The following CNTNAP4 variants were observed in gnomAD, a reference collection of about 807,000 sequenced individuals.
CNTNAP4 encodes contactin-associated protein-like 4.
In CNTNAP4, 98 loss-of-function variants were observed where a neutral mutation model predicts 148.4. That is an observed-to-expected ratio of 0.66 (90% CI 0.56 to 0.78). The LOEUF is 0.78. CNTNAP4 is among the 30% of genes least tolerant of loss of function. CNTNAP4 has a pLI of 0.00. For missense variants in CNTNAP4, 1,935 were observed against 1,565.6 expected (o/e 1.24, Z -3.98); for synonymous variants, 730 against 565.1 (o/e 1.29, Z -4.14).
intron 10 of CNTNAP4, among the ~76,000 whole-genome samples, chr16:76,471,304 A>T (rs2081365092): frequency 6.6e-6 from 1 of 152,190 alleles, no homozygotes; most frequent in African/African-American, 2.4e-5. Flanking sequence ...AGTGATGGCT[A>T]CTAAGACAAC....
chr16:76,494,996 A>G lies in CNTNAP4; in HGVS notation c.2167A>G (p.Thr723Ala). 1 of 1,613,616 alleles carries G rather than the reference A, an allele frequency of 6.2e-7. No individual in the cohort carries two copies. Among genetic ancestry groups the G allele is most frequent in the Non-Finnish European group, 8.5e-7 (1 of 1,179,614 alleles). Residue 723 changes from threonine (T) to alanine (A), a missense_variant, in exon 14 of 24, where the codon ACT (threonine) becomes GCT (alanine). Transcript: ENST00000611870. The part of the protein sequence containing the change: ...GGSSPDLQKC[T>A]CGLEGNCIDS... ...TTCTTCGCCTGATCTTCAAAAATGT[A>G]CTTGTGGATTAGAGGGAAACTGCAT...
In CNTNAP4 at chr16:76,553,316, C is replaced by T; in HGVS notation, c.3476C>T (p.Ala1159Val). Reference protein sequence around the residue: ...HSDVDQDTALAGAQGFTGCLS... With the variant: ...HSDVDQDTALVGAQGFTGCLS... ...GATGTGGACCAGGATACTGCACTGG[C>T]AGGTGCGCAGGGCTTCACAGGCTGC... Residue 1159 changes from alanine (A) to valine (V), a missense_variant, in exon 22 of 24, where the codon GCA (alanine) becomes GTA (valine). Transcript: ENST00000611870. 1.2e-6 allele frequency: 2 copies of T among 1,611,996 alleles called. No homozygotes were observed. Among genetic ancestry groups the T allele is most frequent in the Non-Finnish European group, 1.7e-6 (2 of 1,178,554 alleles).
At position 76,355,299 on chromosome 16, in the gene CNTNAP4, T is replaced by C. The variant is rs772806876; in HGVS notation, c.197-19T>C. On this transcript the variant is annotated intron_variant, in intron 2 of 23. Coordinates refer to ENST00000611870, the MANE Select transcript of CNTNAP4 (RefSeq NM_033401.5). The stretch of plus-strand genomic sequence containing the variant: ...ACTTTCCTTTCTCAATTTTCTCCTG[T>C]TTCTATTTTTAATAAAAGGAGCTGG... 6.7e-7 allele frequency: 1 copy of C among 1,492,188 alleles called. No homozygotes were observed. The highest frequency in any genetic ancestry group is 8.9e-7 in the Non-Finnish European group (1 of 1,118,294). 92.4% of individuals were successfully genotyped at this position (1,492,188 alleles called of 1,614,324 possible). A position where few individuals can be genotyped will look rare whatever the true frequency, so the allele number is the denominator to read the frequency against.
Position 76,522,107 on chromosome 16 carries a change from A to G in CNTNAP4, c.2605A>G (p.Thr869Ala). ...GPFEISVQSP[T>A]HFNDNQWHHV... ...TTTTGAAATCTCAGTGCAGTCACCC[A>G]CCCACTTCAACGACAACCAGTGGCA... Residue 869 changes from threonine to alanine, a missense_variant, in exon 17 of 24, where the codon ACC (threonine) becomes GCC (alanine). Coordinates refer to ENST00000611870, the MANE Select transcript of CNTNAP4 (RefSeq NM_033401.5). The G allele has an allele frequency of 6.2e-7, 1 of 1,613,934 alleles. No homozygotes were observed. The highest frequency in any genetic ancestry group is 8.5e-7 in the Non-Finnish European group (1 of 1,179,870).
chr16:76,516,454 G>T (rs538775749), intron 15 of CNTNAP4, among the ~76,000 whole-genome samples: 4 of 152,198 alleles, frequency 2.6e-5, no homozygotes, highest in Admixed American at 6.5e-5. Context: ...TAATGGCATT[G>T]CTGGGTCAAA....
Position 76,439,336 on chromosome 16 carries a change from GTTA to G in CNTNAP4, c.539-8669_539-8667del, listed in dbSNP as rs974924184. Among the ~76,000 whole-genome samples the G allele has an allele frequency of 4.4e-4, 56 of 128,648 alleles. 1 individual carries two copies. The highest frequency in any genetic ancestry group is 1.2e-3 in the African/African-American group (45 of 37,240). 84.4% of individuals were successfully genotyped at this position (128,648 alleles called of 152,430 possible). A position where few individuals can be genotyped will look rare whatever the true frequency, so the allele number is the denominator to read the frequency against. ...TGAGATAAACGTGATTTCAAGTGTT[GTTA>G]TTATTAAAATCATAACAGTATACAA... On this transcript the variant is annotated intron_variant, in intron 4 of 23. Transcript: ENST00000611870.
At chr16:76,411,507 AT>A (rs1157536137) in intron 3 of CNTNAP4, among the ~76,000 whole-genome samples, 2 of 151,356 alleles carry the variant, frequency 1.3e-5, no homozygotes, top group Admixed American at 1.3e-4. Flanking sequence ...ATTCTTAGTA[AT>A]ATTAATGGTA....
At chr16:76,433,068 C>T (rs1000028475) in intron 4 of CNTNAP4, among the ~76,000 whole-genome samples, 2 of 152,096 alleles carry the variant, frequency 1.3e-5, no homozygotes, top group African/African-American at 4.8e-5. Flanking sequence ...GGAATGTTTC[C>T]ACCCACTTGT....
At chr16:76,428,393 C>T (rs994930049) in intron 4 of CNTNAP4, among the ~76,000 whole-genome samples, 7 of 151,262 alleles carry the variant, frequency 4.6e-5, no homozygotes, top group African/African-American at 1.5e-4. Flanking sequence ...TGGAAGAGAA[C>T]CCAGGACTGC....
chr16:76,325,722 A>T (rs1284018283), intron 2 of CNTNAP4, among the ~76,000 whole-genome samples: 1 of 152,144 alleles, frequency 6.6e-6, no homozygotes, highest in Admixed American at 6.5e-5. Context: ...AAAAAACTAC[A>T]AAAAGAACAA....
intron 2 of CNTNAP4, among the ~76,000 whole-genome samples, chr16:76,320,370 G>C (rs1297782479): frequency 6.6e-6 from 1 of 152,124 alleles, no homozygotes; most frequent in Non-Finnish European, 1.5e-5. Flanking sequence ...GAAAGAAACT[G>C]ATAAGCAAAA....
intron 13 of CNTNAP4, among the ~76,000 whole-genome samples, chr16:76,492,833 T>A (rs2082271161): frequency 6.6e-6 from 1 of 152,190 alleles, no homozygotes; most frequent in Non-Finnish European, 1.5e-5. Context: ...CCTCTTTTCT[T>A]TATAAATTAC....
At chr16:76,476,688 A>T (rs973733796) in intron 11 of CNTNAP4, among the ~76,000 whole-genome samples, 1 of 152,092 alleles carries the variant, frequency 6.6e-6, no homozygotes, top group African/African-American at 2.4e-5. Context: ...CACATGGTGA[A>T]AGGGGTGAGG....
intron 14 of CNTNAP4, among the ~76,000 whole-genome samples, chr16:76,496,937 C>T (rs9924204): frequency 0.64 from 97,171 of 151,920 alleles, 31,429 homozygotes; most frequent in Middle Eastern, 0.75. Context: ...AAAATAATCA[C>T]AATGTGTAAA....
chr16:76,369,682 A>C (rs2144615763), intron 3 of CNTNAP4, among the ~76,000 whole-genome samples: 1 of 152,328 alleles, frequency 6.6e-6, no homozygotes, highest in South Asian at 2.1e-4. Flanking sequence ...TCTCTACAGA[A>C]AACACAAAAA....
intron 2 of CNTNAP4, among the ~76,000 whole-genome samples, chr16:76,345,460 G>A (rs944641519): frequency 7.2e-5 from 11 of 152,212 alleles, no homozygotes; most frequent in African/African-American, 2.7e-4. Flanking sequence ...AAAGTATTGT[G>A]ACAGAGGTCA....
intron 4 of CNTNAP4, among the ~76,000 whole-genome samples, chr16:76,434,485 G>C (rs7205737): frequency 6.6e-6 from 1 of 152,088 alleles, no homozygotes; most frequent in East Asian, 1.9e-4. Context: ...AGCTGCAATT[G>C]CAATCACCAC....
chr16:76,368,320 A>C (rs2014397113), intron 3 of CNTNAP4, among the ~76,000 whole-genome samples: 2 of 152,236 alleles, frequency 1.3e-5, no homozygotes, highest in African/African-American at 4.8e-5. Context: ...GCTACTAGCC[A>C]CACAGGGTCA....
Position 76,489,832 on chromosome 16 carries a change from G to C in CNTNAP4, c.2029G>C (p.Glu677Gln), listed in dbSNP as rs757917053. The change falls in exon 13 of 24, where the codon GAA becomes CAA. Residue 677 changes from glutamate (E) to glutamine (Q), a missense_variant. Transcript: ENST00000611870. ...CACTATTAACCGTGCAGAGCACTGT[G>C]AACAGGAGTTTACTTATTACTGCAA... The part of the protein sequence containing the change: ...QATINRAEHC[E>Q]QEFTYYCKKS... 1.3e-6 allele frequency: 2 copies of C among 1,599,392 alleles called. No individual in the cohort carries two copies. Among genetic ancestry groups the C allele is most frequent in the African/African-American group, 1.3e-5 (1 of 74,646 alleles).
Sources: allele counts gnomAD v4.1 joint callset (sites outside exome capture counted in the v4.1 genomes callset), GRCh38; gene constraint gnomAD v4.1.1; transcripts MANE v1.5; gene names NCBI Gene and HGNC (gene_info 2026-07-23, HGNC 2026-07-21).